GPR149: variants seen among roughly 807,000 people sequenced by gnomAD.
GPR149 encodes the protein probable G protein-coupled receptor 149.
Under a neutral mutation model 50.2 loss-of-function variants are expected in GPR149, and 50 were observed. The ratio of observed to expected loss-of-function variants is 1.00; its 90% CI spans 0.79 to 1.26. The LOEUF (loss-of-function observed/expected upper bound fraction) is 1.26. Ranked by LOEUF, GPR149 falls within the 50% of genes most tolerant of loss-of-function variation. The pLI is 0.00. For missense variants in GPR149, 983 were observed against 895.4 expected, an observed-to-expected ratio of 1.10 and a Z score of -1.25; for synonymous variants, 405 against 358.2, an observed-to-expected ratio of 1.13 and a Z score of -1.48.
At position 154,428,918 on chromosome 3, in the gene GPR149, G is replaced by A; in HGVS notation, c.698C>T (p.Ser233Phe). ...PRLHSNYQEI[S>F]RGASIPGTPP... ...GGTCCCAGGAATTGAAGCTCCACGG[G>A]AAATTTCCTGGTAGTTGGAGTGGAG... The change falls in exon 1 of 4, where the codon TCC becomes TTC. Residue 233 changes from serine (S) to phenylalanine (F), a missense_variant. Transcript: ENST00000389740. The A allele has an allele frequency of 6.2e-7, 1 of 1,614,116 alleles. No individual in the cohort carries two copies. Among genetic ancestry groups the A allele is most frequent in the Non-Finnish European group, 8.5e-7 (1 of 1,180,000 alleles).
intron 3 of GPR149, among the ~76,000 whole-genome samples, chr3:154,412,312 T>C (rs941907770): frequency 6.6e-6 from 1 of 151,956 alleles, no homozygotes; most frequent in Non-Finnish European, 1.5e-5. Context: ...CCCACTTTCA[T>C]CACTTCTGTT....
chr3:154,411,319 C>A (rs1300192896), intron 3 of GPR149, among the ~76,000 whole-genome samples: 1 of 151,880 alleles, frequency 6.6e-6, no homozygotes, highest in Non-Finnish European at 1.5e-5. Context: ...CCAATCCCAG[C>A]AGAAGGAAAG....
At chr3:154,363,813 T>C (rs1296656638) in intron 3 of GPR149, among the ~76,000 whole-genome samples, 1 of 151,500 alleles carries the variant, frequency 6.6e-6, no homozygotes, top group Non-Finnish European at 1.5e-5. Flanking sequence ...CATTCCCCTA[T>C]TTTAAGCCCA....
intron 3 of GPR149, among the ~76,000 whole-genome samples, chr3:154,357,118 T>C (rs1714253793): frequency 6.6e-6 from 1 of 152,204 alleles, no homozygotes; most frequent in African/African-American, 2.4e-5. Context: ...CTGGGAAAAC[T>C]GGCTAGCCCT....
At chr3:154,360,177 G>A (rs1264957287) in intron 3 of GPR149, among the ~76,000 whole-genome samples, 1 of 152,200 alleles carries the variant, frequency 6.6e-6, no homozygotes, top group South Asian at 2.1e-4. Flanking sequence ...CTCAAAATGA[G>A]GGCTGCAAGC....
chr3:154,359,802 A>G (rs1389625369), intron 3 of GPR149, among the ~76,000 whole-genome samples: 3 of 152,246 alleles, frequency 2.0e-5, no homozygotes, highest in East Asian at 3.8e-4. Context: ...CTTAATAGAT[A>G]CAAATTCCTA....
At chr3:154,426,501 C>A (rs1335241622) in intron 2 of GPR149, among the ~76,000 whole-genome samples, 1 of 152,144 alleles carries the variant, frequency 6.6e-6, no homozygotes, top group East Asian at 1.9e-4. Context: ...ATACTCTGAG[C>A]AAAGGACAAT....
chr3:154,337,897 T>C lies in GPR149; in HGVS notation c.1998A>G (p.Leu666=), dbSNP rs749741869. ...RKENRFVSCD[L]GETASYSLFL... is the part of the protein sequence containing the mutation. ...AGAGGGAGTATGAGGCTGTTTCCCC[T>C]AGGTCACATGAAACAAATCTGTTTT... is the stretch of plus-strand genomic sequence containing the variant. Residue 666 remains leucine, a synonymous_variant, in exon 4 of 4, where the codon CTA becomes CTG. Transcript: ENST00000389740. 1.2e-6 allele frequency: 2 copies of C among 1,613,226 alleles called. No homozygotes were observed. The highest frequency in any genetic ancestry group is 1.7e-6 in the Non-Finnish European group (2 of 1,179,600).
chr3:154,408,395 G>A (rs1404720078), intron 3 of GPR149, among the ~76,000 whole-genome samples: 1 of 152,202 alleles, frequency 6.6e-6, no homozygotes, highest in Non-Finnish European at 1.5e-5. Context: ...GAGTCAGCTT[G>A]CATTCTCAGC....
At chr3:154,374,169 C>CTTTTTTTTTTTTTTTTTTT (rs3069044) in intron 3 of GPR149, among the ~76,000 whole-genome samples, 8 of 103,168 alleles carry the variant, frequency 7.8e-5, no homozygotes, top group Non-Finnish European at 9.2e-5. Flanking sequence ...CTTTTCTTTT[C>CTTTTTTTTTTTTTTTTTTT]TTTTTTTTTT....
chr3:154,383,958 T>C (rs1389089609), intron 3 of GPR149, among the ~76,000 whole-genome samples: 1 of 152,166 alleles, frequency 6.6e-6, no homozygotes, highest in Non-Finnish European at 1.5e-5. Flanking sequence ...AGTGCCTTGA[T>C]CTTGGACTTT....
intron 1 of GPR149, 55 bp from the exon 2 acceptor site, chr3:154,427,763 A>G: frequency 6.7e-7 from 1 of 1,497,920 alleles, no homozygotes; most frequent in Non-Finnish European, 9.0e-7. Flanking sequence ...TGTACTTCTC[A>G]AGCCTTTTCT....
rs191343116 is a variant in GPR149, at chr3:154,418,827, A to T, written c.1623+2212T>A. 5.4e-4 allele frequency among the ~76,000 whole-genome samples: 82 copies of T among 152,130 alleles called. No individual in the cohort carries two copies. In the East Asian group the frequency reaches 0.01, roughly 19 times the overall value. On this transcript the variant is annotated intron_variant, in intron 3 of 3. Transcript: ENST00000389740. ...ACTTAAAGTATAATAATAATAATAA[A>T]AAAGAGGTCACTATTCAACTTTGAC... is the stretch of plus-strand genomic sequence containing the variant.
At chr3:154,413,617 T>A (rs1711902575) in intron 3 of GPR149, among the ~76,000 whole-genome samples, 1 of 145,242 alleles carries the variant, frequency 6.9e-6, no homozygotes, top group Non-Finnish European at 1.5e-5. Context: ...CACCTCACAT[T>A]TGCAAGAATG....
chr3:154,423,623 T>C (rs1029087567), intron 2 of GPR149, among the ~76,000 whole-genome samples: 3 of 151,760 alleles, frequency 2.0e-5, no homozygotes, highest in Non-Finnish European at 4.4e-5. Context: ...AAGTTGACAA[T>C]GTAAGATGAG....
At chr3:154,424,892 AAAG>A (rs1480924693) in intron 2 of GPR149, among the ~76,000 whole-genome samples, 4 of 151,798 alleles carry the variant, frequency 2.6e-5, no homozygotes, top group African/African-American at 9.7e-5. Flanking sequence ...AAAAAAAAAA[AAAG>A]ACCAAAAATC....
chr3:154,382,492 T>A (rs1324317991), intron 3 of GPR149, among the ~76,000 whole-genome samples: 1 of 152,202 alleles, frequency 6.6e-6, no homozygotes, highest in African/African-American at 2.4e-5. Context: ...TGCAGAAAGC[T>A]AATTCACTAA....
At chr3:154,353,674 T>G in intron 3 of GPR149, 1 of 1,353,346 alleles carries the variant, frequency 7.4e-7, no homozygotes, top group Non-Finnish European at 1.1e-6. Context: ...GCCAGTTCCC[T>G]TGCTGGAGCC....
In GPR149 at chr3:154,421,334, C is replaced by G. The variant is rs1047213701; in HGVS notation, c.1328G>C (p.Arg443Thr). 1 of 1,613,150 alleles carries G rather than the reference C, an allele frequency of 6.2e-7. No homozygotes were observed. The highest frequency in any genetic ancestry group is 1.3e-5 in the African/African-American group (1 of 74,844). ...AGCATTGAAGATGTTACGGTTGTCTCTCTGAGGGTCTTTTGTAGTTTCACA... is the reference window on the plus strand; with the variant it reads ...AGCATTGAAGATGTTACGGTTGTCTGTCTGAGGGTCTTTTGTAGTTTCACA... ...SECETTKDPQ[R>T]DNRNIFNAIK... Residue 443 changes from arginine (R) to threonine (T), a missense_variant, in exon 3 of 4, where the codon AGA (arginine) becomes ACA (threonine). Coordinates refer to ENST00000389740, the MANE Select transcript of GPR149 (RefSeq NM_001038705.3).
Sources: gnomAD v4.1 joint callset for allele counts (sites outside exome capture counted in the v4.1 genomes callset) on GRCh38, gnomAD v4.1.1 for gene constraint, MANE v1.5 for transcripts, NCBI Gene and HGNC (gene_info 2026-07-23, HGNC 2026-07-21) for gene names.